The following PKP4 variants were observed in gnomAD, a reference collection of about 807,000 sequenced individuals.
The protein encoded by PKP4 is plakophilin 4.
PKP4 carries 90 observed loss-of-function variants against 145.1 expected under a neutral mutation model. The ratio of observed to expected loss-of-function variants is 0.62; its 90% CI spans 0.52 to 0.74. PKP4 has a LOEUF of 0.74. PKP4 is among the 30% of genes least tolerant of loss of function. The pLI is 0.00. For synonymous variants in PKP4, 563 were observed against 577.2 expected (o/e 0.98, Z 0.35); for missense variants, 1,340 against 1,482.7 (o/e 0.90, Z 1.58).
In PKP4 at chr2:158,533,191, G is replaced by C; in HGVS notation, c.7G>C (p.Ala3Pro). 1 of 1,611,264 alleles carries C rather than the reference G, an allele frequency of 6.2e-7. No individual in the cohort carries two copies. The highest frequency in any genetic ancestry group is 8.5e-7 in the Non-Finnish European group (1 of 1,179,114). The change falls in exon 2 of 22, where the codon GCT (alanine) becomes CCT (proline). Residue 3 changes from alanine to proline, a missense_variant. Physicochemically the swap from Ala to Pro is conservative, Grantham distance 27. Transcript: ENST00000389759. Reference sequence around the variant, plus strand: ...CTGCTTGATTGCAGGAGGAATGCCAGCTCCTGAGCAGGCCTCATTGGTGGA... The same window carrying C: ...CTGCTTGATTGCAGGAGGAATGCCACCTCCTGAGCAGGCCTCATTGGTGGA... MPAPEQASLVEEG... is the reference protein window; with the variant it reads MPPPEQASLVEEG...
At chr2:158,641,493 GT>G (rs539033354) in intron 10 of PKP4, among the ~76,000 whole-genome samples, 1 of 151,910 alleles carries the variant, frequency 6.6e-6, no homozygotes, top group Non-Finnish European at 1.5e-5. Flanking sequence ...TTATTTCAGG[GT>G]TTTTTTGGTA....
At chr2:158,510,006 C>G (rs2041356513) in intron 1 of PKP4, among the ~76,000 whole-genome samples, 1 of 151,504 alleles carries the variant, frequency 6.6e-6, no homozygotes, top group African/African-American at 2.4e-5. Context: ...TGTGTTATTT[C>G]CTGCTAATGG....
intron 21 of PKP4, 123 bp from the exon 22 acceptor site, chr2:158,680,306 C>G (rs567915692): frequency 1.3e-6 from 1 of 762,506 alleles, no homozygotes; most frequent in East Asian, 2.7e-5. Context: ...AGCTTTTAAC[C>G]TTAAACTGCA....
intron 2 of PKP4, 165 bp downstream of exon 2, chr2:158,533,481 C>A: frequency 1.3e-6 from 1 of 792,262 alleles, no homozygotes; most frequent in Non-Finnish European, 2.2e-6. Context: ...GCATGTAGAG[C>A]CGCTCCAGGT....
Position 158,635,073 on chromosome 2 carries a change from G to GA in PKP4, c.1562+784_1562+785insA, listed in dbSNP as rs546256194. ...GCGCTTTAGTGTTATTTTAAGGCAT[G>GA]TATGCAAGATTTCATTCACTCTTCG... On this transcript the variant is annotated intron_variant, in intron 9 of 21. Coordinates refer to ENST00000389759, the MANE Select transcript of PKP4 (RefSeq NM_003628.6). 4.6e-5 allele frequency among the ~76,000 whole-genome samples: 7 copies of GA among 152,264 alleles called. No individual in the cohort carries two copies. In the South Asian group the frequency reaches 1.5e-3, roughly 32 times the overall value.
intron 2 of PKP4, among the ~76,000 whole-genome samples, chr2:158,568,869 A>T (rs1440685338): frequency 2.0e-5 from 3 of 152,122 alleles, no homozygotes; most frequent in Admixed American, 1.3e-4. Context: ...ACTACTCAGG[A>T]GGCTGAGGCA....
chr2:158,574,797 T>C (rs866962250), intron 2 of PKP4, among the ~76,000 whole-genome samples: 20 of 152,170 alleles, frequency 1.3e-4, no homozygotes, highest in African/African-American at 3.6e-4. Flanking sequence ...CCAGTGATGT[T>C]CAGTATTATG....
Position 158,621,289 on chromosome 2 carries a change from C to A in PKP4, c.471C>A (p.Tyr157Ter). 1 of 1,614,120 alleles carries A rather than the reference C, an allele frequency of 6.2e-7. No individual in the cohort carries two copies. The highest frequency in any genetic ancestry group is 8.5e-7 in the Non-Finnish European group (1 of 1,179,994). Reference sequence around the variant, plus strand: ...TGAATTCTTATTCCGACAGTGGATACCAGGAAGCAGGGAGTTTCCACAACA... The same window carrying A: ...TGAATTCTTATTCCGACAGTGGATAACAGGAAGCAGGGAGTTTCCACAACA... ...TQMNSYSDSG[Y>*]QEAGSFHNSQ... The change falls in exon 6 of 22, where the codon TAC becomes TAA. Residue 157 changes from tyrosine to a stop codon, truncating the protein, a stop_gained. Coordinates refer to ENST00000389759, the MANE Select transcript of PKP4 (RefSeq NM_003628.6). LOFTEE classifies it high-confidence loss of function.
chr2:158,623,502 T>C (rs1434450174), intron 6 of PKP4, among the ~76,000 whole-genome samples: 3 of 152,094 alleles, frequency 2.0e-5, no homozygotes, highest in East Asian at 3.9e-4. Flanking sequence ...CTTGTTAACT[T>C]TCCAGCTGTC....
At chr2:158,462,902 G>T (rs1278440352) in intron 1 of PKP4, among the ~76,000 whole-genome samples, 1 of 152,168 alleles carries the variant, frequency 6.6e-6, no homozygotes, top group East Asian at 1.9e-4. Flanking sequence ...ACAGGAGCTG[G>T]TTCAGAGCCA....
intron 1 of PKP4, among the ~76,000 whole-genome samples, chr2:158,513,597 C>A (rs1453950095): frequency 6.6e-6 from 1 of 152,126 alleles, no homozygotes; most frequent in Admixed American, 6.5e-5. Context: ...CCTCACCGGG[C>A]TTTCCAGACA....
chr2:158,488,832 C>T (rs191273358), intron 1 of PKP4, among the ~76,000 whole-genome samples: 167 of 152,306 alleles, frequency 1.1e-3, no homozygotes, highest in African/African-American at 3.8e-3. Context: ...TTAGAATTCA[C>T]TCCTGAGTCA....
chr2:158,616,941 G>A (rs898313225), intron 4 of PKP4, among the ~76,000 whole-genome samples: 1 of 150,744 alleles, frequency 6.6e-6, no homozygotes, highest in Non-Finnish European at 1.5e-5. Flanking sequence ...TGTATATTTG[G>A]GGATGTACAT....
At position 158,589,044 on chromosome 2, in the gene PKP4, A is replaced by G. The variant is rs1043082758; in HGVS notation, c.245+11661A>G. ...TGAAGAATGCTGTTGATGAGGTTGC[A>G]CTGGTTCTCCTAGCTCTGTCCCAGG... is the stretch of plus-strand genomic sequence containing the variant. On this transcript the variant is annotated intron_variant, in intron 3 of 21. Coordinates refer to ENST00000389759, the MANE Select transcript of PKP4 (RefSeq NM_003628.6). 2.6e-5 allele frequency: 4 copies of G among 152,266 alleles called. No homozygotes were observed. In the East Asian group the frequency reaches 5.8e-4, roughly 22 times the overall value. The allele number at this position is 152,266 out of a possible 1,614,324, so 9.4% of individuals were successfully genotyped here.
At chr2:158,620,119 T>G (rs2052056486) in intron 4 of PKP4, among the ~76,000 whole-genome samples, 1 of 152,214 alleles carries the variant, frequency 6.6e-6, no homozygotes, top group Non-Finnish European at 1.5e-5. Flanking sequence ...TGAAGTAGCA[T>G]TTCTGAAAGA....
chr2:158,676,407 G>A (rs900060214), intron 19 of PKP4, among the ~76,000 whole-genome samples: 6 of 152,176 alleles, frequency 3.9e-5, no homozygotes, highest in Admixed American at 2.6e-4. Context: ...AGTTTCAAAC[G>A]CCTAGTCAAG....
At chr2:158,625,653 T>A (rs2052704263) in intron 7 of PKP4, among the ~76,000 whole-genome samples, 1 of 152,214 alleles carries the variant, frequency 6.6e-6, no homozygotes, top group Admixed American at 6.5e-5. Context: ...ATATAACTCT[T>A]TTGTAATATT....
intron 4 of PKP4, among the ~76,000 whole-genome samples, chr2:158,605,386 A>G (rs760953843): frequency 6.6e-6 from 1 of 152,176 alleles, no homozygotes; most frequent in Non-Finnish European, 1.5e-5. Context: ...AACAAAATCT[A>G]TATTTTGAAA....
At chr2:158,662,668 A>C (rs943289877) in intron 13 of PKP4, 4 of 379,796 alleles carry the variant, frequency 1.1e-5, no homozygotes, top group African/African-American at 6.1e-5. Flanking sequence ...TTCGGTCGGC[A>C]TGAAGTCAAA....
Sources: allele counts gnomAD v4.1 joint callset (sites outside exome capture counted in the v4.1 genomes callset), GRCh38; gene constraint gnomAD v4.1.1; transcripts MANE v1.5; gene names NCBI Gene and HGNC (gene_info 2026-07-23, HGNC 2026-07-21).